BANK1: variants seen among roughly 807,000 people sequenced by gnomAD.
The protein encoded by BANK1 is B-cell scaffold protein with ankyrin repeats.
In BANK1, 95 loss-of-function variants were observed where a neutral mutation model predicts 94.5. That is an observed-to-expected ratio of 1.00 (90% CI 0.85 to 1.19). The LOEUF (loss-of-function observed/expected upper bound fraction) is 1.19. Ranked by LOEUF, BANK1 falls within the 50% of genes most tolerant of loss-of-function variation. The pLI is 0.00. For missense variants in BANK1, 987 were observed against 932.2 expected (o/e 1.06, Z -0.77); for synonymous variants, 334 against 308.4 (o/e 1.08, Z -0.87).
intron 7 of BANK1, among the ~76,000 whole-genome samples, chr4:101,952,981 C>T (rs143950438): frequency 1.3e-3 from 198 of 152,124 alleles, no homozygotes; most frequent in Non-Finnish European, 2.0e-3. Flanking sequence ...TAATGATTAA[C>T]GATCAGTGAG....
intron 1 of BANK1, among the ~76,000 whole-genome samples, chr4:101,797,485 GGCAGC>G (rs1725196881): frequency 6.6e-6 from 1 of 152,126 alleles, no homozygotes. Context: ...ATTGGAAAAG[GGCAGC>G]AATGGAAGTT....
intron 9 of BANK1, 87 bp from the exon 10 acceptor site, chr4:102,029,873 T>C: frequency 7.5e-7 from 1 of 1,336,540 alleles, no homozygotes; most frequent in South Asian, 1.5e-5. Flanking sequence ...CTAAGCCACC[T>C]TGGGAAGCTC....
intron 7 of BANK1, among the ~76,000 whole-genome samples, chr4:102,008,022 A>T (rs1164819762): frequency 6.6e-6 from 1 of 152,152 alleles, no homozygotes; most frequent in Admixed American, 6.6e-5. Context: ...GTCAAATATG[A>T]TTCCTTCATT....
At position 101,924,441 on chromosome 4, in the gene BANK1, ACT is replaced by A. The variant is rs1277591617; in HGVS notation, c.1206+6257_1206+6258del. 2.0e-5 allele frequency among the ~76,000 whole-genome samples: 3 copies of A among 151,744 alleles called. No homozygotes were observed. The South Asian group carries it at 6.2e-4, about 31-fold the overall frequency. ...CTAGAATAGCAATCAGTGTCTGTAC[ACT>A]CTCTTTCCATATACACAGAATATAG... is the stretch of plus-strand genomic sequence containing the variant. On this transcript the variant is annotated intron_variant, in intron 7 of 16. Transcript: ENST00000322953.
At chr4:102,019,311 T>G (rs940664893) in intron 7 of BANK1, among the ~76,000 whole-genome samples, 2 of 152,166 alleles carry the variant, frequency 1.3e-5, no homozygotes, top group African/African-American at 4.8e-5. Context: ...GACGAATGAA[T>G]GAATAAAAGA....
At position 101,836,581 on chromosome 4, in the gene BANK1, T is replaced by C. The variant is rs568744364; in HGVS notation, c.469+6375T>C. On this transcript the variant is annotated intron_variant, in intron 2 of 16. Coordinates refer to ENST00000322953, the MANE Select transcript of BANK1 (RefSeq NM_017935.5). ...CCACAAACCTAGAAAGGACAAATTG[T>C]GTTTTTAAGTACAGATTTATAAATG... Among the ~76,000 whole-genome samples, 7 of 152,360 alleles carry C rather than the reference T, an allele frequency of 4.6e-5. No homozygotes were observed. In the East Asian group the frequency reaches 1.3e-3, roughly 29 times the overall value.
At chr4:101,872,825 T>C (rs774143863) in intron 5 of BANK1, among the ~76,000 whole-genome samples, 1 of 151,946 alleles carries the variant, frequency 6.6e-6, no homozygotes, top group Non-Finnish European at 1.5e-5. Context: ...CCATCTCTAC[T>C]AAAAATACAA....
chr4:101,958,002 G>A (rs543835775), intron 7 of BANK1, among the ~76,000 whole-genome samples: 47 of 151,998 alleles, frequency 3.1e-4, no homozygotes, highest in East Asian at 1.4e-3. Flanking sequence ...CTGCCACCAC[G>A]TCTGGCTAAT....
intron 1 of BANK1, among the ~76,000 whole-genome samples, chr4:101,818,634 A>G (rs13106926): frequency 0.3 from 45,641 of 151,916 alleles, 6,922 homozygotes; most frequent in African/African-American, 0.34. Context: ...AAGGAAGAGA[A>G]AGAGAAACCA....
At chr4:102,035,572 C>T (rs1016511686) in intron 10 of BANK1, among the ~76,000 whole-genome samples, 8 of 149,584 alleles carry the variant, frequency 5.3e-5, no homozygotes, top group African/African-American at 1.5e-4. Context: ...GGCATGAACC[C>T]GGGAGGCAGA....
chr4:101,926,115 A>G (rs1455407238), intron 7 of BANK1, among the ~76,000 whole-genome samples: 2 of 151,738 alleles, frequency 1.3e-5, no homozygotes, highest in Non-Finnish European at 3.0e-5. Flanking sequence ...GGTATTTAAT[A>G]TAATCCAATG....
At position 102,071,261 on chromosome 4, in the gene BANK1, T is replaced by C. The variant is rs1441407639; in HGVS notation, c.2213-14T>C. On this transcript the variant is annotated splice_polypyrimidine_tract_variant and intron_variant, in intron 13 of 16. Transcript: ENST00000322953. ...AACAAAACTCAGTAGAACATGCTTT[T>C]TTTTGTCTTCCAGATAAACTCACCA... 1.5e-5 allele frequency: 25 copies of C among 1,613,370 alleles called. No individual in the cohort carries two copies. Among genetic ancestry groups the C allele is most frequent in the Non-Finnish European group, 1.9e-5 (23 of 1,179,506 alleles).
intron 7 of BANK1, among the ~76,000 whole-genome samples, chr4:101,945,679 C>G (rs1479452801): frequency 6.6e-6 from 1 of 151,860 alleles, no homozygotes; most frequent in Non-Finnish European, 1.5e-5. Flanking sequence ...ACTCCTGCTC[C>G]TTTATGTTCA....
chr4:101,954,641 A>G (rs962795797), intron 7 of BANK1, among the ~76,000 whole-genome samples: 6 of 152,172 alleles, frequency 3.9e-5, no homozygotes, highest in Non-Finnish European at 8.8e-5. Flanking sequence ...AGGGAAAAAT[A>G]TATACCCAGG....
chr4:102,037,717 G>C (rs922072995), intron 10 of BANK1, among the ~76,000 whole-genome samples: 1 of 152,094 alleles, frequency 6.6e-6, no homozygotes, highest in East Asian at 1.9e-4. Context: ...ATGTGTTTTT[G>C]GTTTTGGTTT....
Position 101,829,878 on chromosome 4 carries a change from A to AT in BANK1, c.146dup (p.Leu49PhefsTer33). On this transcript the variant is annotated frameshift_variant, in exon 2 of 17. Coordinates refer to ENST00000322953, the MANE Select transcript of BANK1 (RefSeq NM_017935.5). LOFTEE classifies it high-confidence loss of function. ...AATGGGCTCTGTACTTGACAGAAGT[A>AT]TTTTTACATGTTGTGAAAAGGGAAG... 6.2e-7 allele frequency: 1 copy of AT among 1,612,222 alleles called. No individual in the cohort carries two copies. Among genetic ancestry groups the AT allele is most frequent in the Non-Finnish European group, 8.5e-7 (1 of 1,178,598 alleles).
chr4:101,992,302 A>G (rs918222914), intron 7 of BANK1, among the ~76,000 whole-genome samples: 3 of 152,214 alleles, frequency 2.0e-5, no homozygotes, highest in East Asian at 1.9e-4. Context: ...AAAATCAACT[A>G]TGAATATAAT....
chr4:101,882,912 G>C (rs1375731391), intron 5 of BANK1, among the ~76,000 whole-genome samples: 1 of 152,116 alleles, frequency 6.6e-6, no homozygotes, highest in East Asian at 1.9e-4. Flanking sequence ...AATCGTCCAA[G>C]TTCTGTGTAT....
At chr4:101,945,673 C>A (rs1723903042) in intron 7 of BANK1, among the ~76,000 whole-genome samples, 1 of 151,908 alleles carries the variant, frequency 6.6e-6, no homozygotes. Flanking sequence ...TACAGAACTC[C>A]TGCTCCTTTA....
Sources: gnomAD v4.1 joint callset for allele counts (sites outside exome capture counted in the v4.1 genomes callset) on GRCh38, gnomAD v4.1.1 for gene constraint, MANE v1.5 for transcripts, NCBI Gene and HGNC (gene_info 2026-07-23, HGNC 2026-07-21) for gene names.